LRRC7: variants seen among roughly 807,000 people sequenced by gnomAD.
LRRC7 encodes leucine rich repeat containing 7.
A neutral mutation model predicts 175.7 loss-of-function variants in LRRC7; 23 were observed. That is an observed-to-expected ratio of 0.13 (90% confidence interval 0.09 to 0.19). The LOEUF (loss-of-function observed/expected upper bound fraction) is 0.19. LRRC7 is among the 10% of genes least tolerant of loss of function. The probability of loss-of-function intolerance (pLI) is 1.00; values close to 1 mark genes in which losing one functional copy is unlikely to be tolerated. For missense variants in LRRC7, 1,354 were observed against 1,904.7 expected (o/e 0.71, Z 5.38); for synonymous variants, 685 against 680.9 (o/e 1.01, Z -0.09).
chr1:69,911,321 T>C (rs936099423), intron 7 of LRRC7, among the ~76,000 whole-genome samples: 1 of 152,226 alleles, frequency 6.6e-6, no homozygotes, highest in African/African-American at 2.4e-5. Context: ...ACTGGAGCTG[T>C]TCCTATTCGG....
At chr1:69,637,873 A>T (rs564246625) in intron 1 of LRRC7, among the ~76,000 whole-genome samples, 1 of 152,022 alleles carries the variant, frequency 6.6e-6, no homozygotes, top group African/African-American at 2.4e-5. Flanking sequence ...GCAGTAAAAG[A>T]AAATGCCACC....
At chr1:69,849,476 T>A (rs937101658) in intron 7 of LRRC7, among the ~76,000 whole-genome samples, 2 of 152,038 alleles carry the variant, frequency 1.3e-5, no homozygotes, top group African/African-American at 4.8e-5. Context: ...TTATACTAAA[T>A]ATAACTTAAA....
chr1:69,926,800 C>G (rs951620063), intron 7 of LRRC7, among the ~76,000 whole-genome samples: 8 of 152,174 alleles, frequency 5.3e-5, no homozygotes, highest in African/African-American at 1.7e-4. Context: ...GCATTTAGCC[C>G]ATTTACATTT....
chr1:70,021,072 T>C lies in LRRC7; in HGVS notation c.1488T>C (p.Thr496=). ...LWEEQRQQRM[T]VAFEFEDKKE... is the part of the protein sequence containing the mutation. ...AAGAGCAGAGACAACAACGCATGAC[T>C]GTTGCCTTTGAATTTGAAGACAAAA... The change falls in exon 16 of 27, where the codon ACT becomes ACC. Residue 496 remains threonine (T), a synonymous_variant. Coordinates refer to ENST00000651989, the MANE Select transcript of LRRC7 (RefSeq NM_001370785.2). 1 of 1,612,932 alleles carries C rather than the reference T, an allele frequency of 6.2e-7. No homozygotes were observed. The highest frequency in any genetic ancestry group is 8.5e-7 in the Non-Finnish European group (1 of 1,179,138).
At chr1:69,597,561 T>A (rs1646893341) in intron 1 of LRRC7, among the ~76,000 whole-genome samples, 1 of 152,178 alleles carries the variant, frequency 6.6e-6, no homozygotes, top group African/African-American at 2.4e-5. Context: ...GAGCAATACA[T>A]CTTCCAGATG....
intron 2 of LRRC7, among the ~76,000 whole-genome samples, chr1:69,718,118 A>G (rs1292891034): frequency 1.4e-4 from 8 of 56,838 alleles, no homozygotes; most frequent in Non-Finnish European, 2.4e-4. Flanking sequence ...AAAAAGAAAG[A>G]AAGAAAGAAA....
At chr1:69,583,896 G>A (rs1478547908) in intron 1 of LRRC7, among the ~76,000 whole-genome samples, 1 of 152,086 alleles carries the variant, frequency 6.6e-6, no homozygotes, top group African/African-American at 2.4e-5. Context: ...ATGTATGCAA[G>A]GCCTCTCCAA....
intron 22 of LRRC7, among the ~76,000 whole-genome samples, chr1:70,045,075 C>T (rs1328402860): frequency 6.6e-6 from 1 of 151,866 alleles, no homozygotes; most frequent in African/African-American, 2.4e-5. Flanking sequence ...TTTTTAATAA[C>T]ATTCCCAAAC....
At chr1:69,788,242 C>A (rs2101049652) in intron 3 of LRRC7, among the ~76,000 whole-genome samples, 1 of 152,276 alleles carries the variant, frequency 6.6e-6, no homozygotes, top group South Asian at 2.1e-4. Flanking sequence ...AAAGCTAAAT[C>A]CAGACTCATG....
chr1:69,853,352 T>C (rs1570335996), intron 7 of LRRC7, among the ~76,000 whole-genome samples: 1 of 145,544 alleles, frequency 6.9e-6, no homozygotes, highest in South Asian at 2.2e-4. Context: ...GGTCTCAGCT[T>C]ACTGCAACCT....
At chr1:70,073,936 C>G (rs1429900794) in intron 23 of LRRC7, among the ~76,000 whole-genome samples, 1 of 152,218 alleles carries the variant, frequency 6.6e-6, no homozygotes, top group Non-Finnish European at 1.5e-5. Context: ...CACTGTGGCT[C>G]CAGCCTGTAA....
At chr1:69,587,817 C>T (rs1339724054) in intron 1 of LRRC7, among the ~76,000 whole-genome samples, 2 of 152,114 alleles carry the variant, frequency 1.3e-5, no homozygotes, top group Admixed American at 6.6e-5. Context: ...CCTTGCTTCC[C>T]CTTCACCTGT....
intron 8 of LRRC7, among the ~76,000 whole-genome samples, chr1:69,933,005 C>A (rs1175723781): frequency 6.6e-6 from 1 of 152,220 alleles, no homozygotes; most frequent in Non-Finnish European, 1.5e-5. Flanking sequence ...CTATACTCAG[C>A]TCTCACTGGC....
chr1:69,975,701 A>T (rs1051778567), intron 8 of LRRC7, among the ~76,000 whole-genome samples: 4 of 152,192 alleles, frequency 2.6e-5, no homozygotes, highest in African/African-American at 9.7e-5. Flanking sequence ...TACTTCATCA[A>T]GAAAATTTGA....
At chr1:70,030,323 C>G (rs1315282885) in intron 18 of LRRC7, among the ~76,000 whole-genome samples, 1 of 152,162 alleles carries the variant, frequency 6.6e-6, no homozygotes, top group Admixed American at 6.5e-5. Context: ...CCACCCCTTT[C>G]CTAGCTTTCT....
intron 7 of LRRC7, among the ~76,000 whole-genome samples, chr1:69,843,190 T>A (rs570544391): frequency 5.3e-5 from 8 of 151,490 alleles, no homozygotes; most frequent in Admixed American, 4.0e-4. Flanking sequence ...AGACTCCATC[T>A]CAAAACAAAG....
intron 4 of LRRC7, among the ~76,000 whole-genome samples, chr1:69,816,103 G>C (rs1346657373): frequency 6.6e-6 from 1 of 151,932 alleles, no homozygotes; most frequent in East Asian, 1.9e-4. Context: ...TCAGCCTCCT[G>C]AGTAGCTGGG....
At chr1:69,622,223 G>A (rs888202446) in intron 1 of LRRC7, among the ~76,000 whole-genome samples, 2 of 152,064 alleles carry the variant, frequency 1.3e-5, no homozygotes, top group African/African-American at 4.8e-5. Context: ...TTTTAACATC[G>A]TAAAGAAAGT....
chr1:69,817,166 A>G (rs1483057140), intron 4 of LRRC7, among the ~76,000 whole-genome samples: 1 of 151,996 alleles, frequency 6.6e-6, no homozygotes, highest in Non-Finnish European at 1.5e-5. Flanking sequence ...ATTCAAAAAA[A>G]CCATTTCCAA....
Sources: gnomAD v4.1 joint callset for allele counts (sites outside exome capture counted in the v4.1 genomes callset) on GRCh38, gnomAD v4.1.1 for gene constraint, MANE v1.5 for transcripts, NCBI Gene and HGNC (gene_info 2026-07-23, HGNC 2026-07-21) for gene names.